Variants in TMEM38B observed in about 807,000 individuals in gnomAD.
The protein encoded by TMEM38B is trimeric intracellular cation channel type B.
In TMEM38B, 24 loss-of-function variants were observed where a neutral mutation model predicts 28.7. That is an observed-to-expected ratio of 0.84 (90% CI 0.61 to 1.18). The LOEUF (loss-of-function observed/expected upper bound fraction) is 1.18. Ranked by LOEUF, TMEM38B falls within the 50% of genes most tolerant of loss-of-function variation. The pLI, the probability that TMEM38B is intolerant of heterozygous loss-of-function variation, is 0.00. For synonymous variants in TMEM38B, 131 were observed against 127.7 expected (o/e 1.03, Z -0.17); for missense variants, 380 against 350.9 (o/e 1.08, Z -0.66).
chr9:105,746,746 C>T (rs1389242859), intron 4 of TMEM38B, among the ~76,000 whole-genome samples: 3 of 152,244 alleles, frequency 2.0e-5, no homozygotes, highest in Admixed American at 6.5e-5. Flanking sequence ...TTTTGAGATG[C>T]GTCCCATCAG....
At chr9:105,711,407 C>T (rs748110885) in intron 2 of TMEM38B, among the ~76,000 whole-genome samples, 2 of 151,604 alleles carry the variant, frequency 1.3e-5, no homozygotes, top group East Asian at 3.9e-4. Flanking sequence ...TGCCACTGCA[C>T]TCCAGCCTGA....
At chr9:105,771,217 A>T (rs957972310) in intron 5 of TMEM38B, among the ~76,000 whole-genome samples, 4 of 152,198 alleles carry the variant, frequency 2.6e-5, no homozygotes, top group African/African-American at 9.6e-5. Flanking sequence ...AGTTTGCTAA[A>T]TAAGGAGACA....
chr9:105,763,717 C>T (rs12340725), intron 5 of TMEM38B, among the ~76,000 whole-genome samples: 3,984 of 152,064 alleles, frequency 0.026, 82 homozygotes, highest in Non-Finnish European at 0.036. Flanking sequence ...GGGAATCCTC[C>T]CTTACTCATT....
Position 105,775,990 on chromosome 9 carries a change from T to C in TMEM38B, c.*1910T>C, listed in dbSNP as rs1249534793. 6.6e-6 allele frequency: 1 copy of C among 152,170 alleles called. No homozygotes were observed. The highest frequency in any genetic ancestry group is 2.4e-5 in the African/African-American group (1 of 41,444). 9.4% of individuals were successfully genotyped at this position (152,170 alleles called of 1,614,324 possible). On this transcript the variant is annotated 3_prime_UTR_variant, in exon 6 of 6. Transcript: ENST00000374692. ...TATAACCCTCAATTCAAGGCTCTTTTGTAAAAAATGTACTGGAGAACATGG... is the reference window on the plus strand; with the variant it reads ...TATAACCCTCAATTCAAGGCTCTTTCGTAAAAAATGTACTGGAGAACATGG...
At chr9:105,701,953 G>A (rs372506407) in intron 1 of TMEM38B, among the ~76,000 whole-genome samples, 17 of 152,262 alleles carry the variant, frequency 1.1e-4, no homozygotes, top group African/African-American at 4.1e-4. Context: ...AGTGGCTCAC[G>A]CCTGTAATCC....
chr9:105,759,350 CCTT>C lies in TMEM38B; in HGVS notation c.660+11166_660+11168del, dbSNP rs972482002. On this transcript the variant is annotated intron_variant, in intron 5 of 5. Transcript: ENST00000374692. ...TGAATTCCTTCAAATCAATGGAGTG[CCTT>C]CTTCTCAGTCTGCTTCATAGAGAAA... 9.6e-6 allele frequency: 11 copies of C among 1,141,232 alleles called. No individual in the cohort carries two copies. The African/African-American group carries it at 1.5e-4, about 16-fold the overall frequency. 70.7% of individuals were successfully genotyped at this position (1,141,232 alleles called of 1,614,324 possible). A position where few individuals can be genotyped will look rare whatever the true frequency, so the allele number is the denominator to read the frequency against.
At chr9:105,761,662 A>C (rs983152686) in intron 5 of TMEM38B, among the ~76,000 whole-genome samples, 3 of 152,192 alleles carry the variant, frequency 2.0e-5, no homozygotes, top group African/African-American at 7.2e-5. Flanking sequence ...ATGATGATGG[A>C]ACAGGTCTCT....
At chr9:105,733,040 G>C (rs530853315) in intron 4 of TMEM38B, among the ~76,000 whole-genome samples, 2 of 152,066 alleles carry the variant, frequency 1.3e-5, no homozygotes, top group Non-Finnish European at 2.9e-5. Context: ...GTAGTTGTGC[G>C]GTTTTGAGTG....
chr9:105,705,661 T>G lies in TMEM38B; in HGVS notation c.177T>G (p.Phe59Leu). 2 of 1,614,060 alleles carry G rather than the reference T, an allele frequency of 1.2e-6. No individual in the cohort carries two copies. The highest frequency in any genetic ancestry group is 2.2e-5 in the South Asian group (2 of 91,076). Residue 59 changes from phenylalanine (F) to leucine (L), a missense_variant, in exon 2 of 6, where the codon TTT (phenylalanine) becomes TTG (leucine). Physicochemically the swap from Phe to Leu is conservative, Grantham distance 22. Transcript: ENST00000374692. ...SSWFTAMLHC[F>L]GGGILSCLLL... ...GGTTTACTGCTATGCTCCACTGTTT[T>G]GGTGGAGGAATTTTATCCTGTCTAC...
intron 4 of TMEM38B, among the ~76,000 whole-genome samples, chr9:105,746,029 T>C (rs1291260565): frequency 6.6e-6 from 1 of 152,212 alleles, no homozygotes; most frequent in Non-Finnish European, 1.5e-5. Flanking sequence ...CCTCCAGCTT[T>C]GTTCTTTTGG....
intron 1 of TMEM38B, among the ~76,000 whole-genome samples, chr9:105,695,977 G>A (rs1588375172): frequency 6.6e-6 from 1 of 151,992 alleles, no homozygotes; most frequent in Non-Finnish European, 1.5e-5. Context: ...ATTTTTTTTT[G>A]TATAGGCTGA....
intron 5 of TMEM38B, chr9:105,760,263 C>T: frequency 1.3e-6 from 1 of 797,978 alleles, no homozygotes; most frequent in Non-Finnish European, 2.3e-6. Flanking sequence ...TGATACATAC[C>T]TTTTCTCGAT....
At chr9:105,760,111 A>G in intron 5 of TMEM38B, 3 of 885,710 alleles carry the variant, frequency 3.4e-6, no homozygotes, top group Non-Finnish European at 5.7e-6. Flanking sequence ...GAGGGTTGCC[A>G]TCGATGCGCT....
intron 2 of TMEM38B, among the ~76,000 whole-genome samples, chr9:105,711,837 GATAAGAAAAGAA>G (rs1327139469): frequency 6.7e-6 from 1 of 148,984 alleles, no homozygotes; most frequent in African/African-American, 2.5e-5. Context: ...AAAAAAAAAA[GATAAGAAAAGAA>G]ATACAACTTT....
chr9:105,743,776 T>A (rs371701834), intron 4 of TMEM38B, among the ~76,000 whole-genome samples: 84 of 152,272 alleles, frequency 5.5e-4, no homozygotes, highest in African/African-American at 1.9e-3. Context: ...ATGCTAAAAA[T>A]CCGGGCTTTC....
chr9:105,695,154 C>A (rs73668920), intron 1 of TMEM38B, among the ~76,000 whole-genome samples: 1 of 148,016 alleles, frequency 6.8e-6, no homozygotes, highest in Non-Finnish European at 1.5e-5. Flanking sequence ...CTCGCGGTAC[C>A]GCCACTCGCT....
At chr9:105,724,187 G>C (rs992110803) in intron 4 of TMEM38B, among the ~76,000 whole-genome samples, 1 of 152,190 alleles carries the variant, frequency 6.6e-6, no homozygotes, top group Non-Finnish European at 1.5e-5. Context: ...ACCTAAAAAT[G>C]AGGTAGAGAA....
At chr9:105,736,975 T>A (rs1032785524) in intron 4 of TMEM38B, among the ~76,000 whole-genome samples, 1 of 152,104 alleles carries the variant, frequency 6.6e-6, no homozygotes, top group Non-Finnish European at 1.5e-5. Flanking sequence ...ACTTTTGGGG[T>A]CCTCTAGTTC....
intron 5 of TMEM38B, among the ~76,000 whole-genome samples, chr9:105,764,320 T>C (rs1302788462): frequency 2.0e-5 from 3 of 152,134 alleles, no homozygotes; most frequent in Non-Finnish European, 4.4e-5. Context: ...CATGATTGTA[T>C]ATCTAGAAAA....
Sources: allele counts gnomAD v4.1 joint callset (sites outside exome capture counted in the v4.1 genomes callset), GRCh38; gene constraint gnomAD v4.1.1; transcripts MANE v1.5; gene names NCBI Gene and HGNC (gene_info 2026-07-23, HGNC 2026-07-21).